Variants in RUVBL1 observed in about 807,000 individuals in gnomAD.
The protein encoded by RUVBL1 is ruvB-like 1.
In RUVBL1, 4 loss-of-function variants were observed where a neutral mutation model predicts 52.4. That is an observed-to-expected ratio of 0.08 (90% CI 0.04 to 0.17). The LOEUF is 0.17. RUVBL1 is among the 10% of genes least tolerant of loss of function. The pLI is 1.00. For missense variants in RUVBL1, 298 were observed against 572.8 expected (o/e 0.52, Z 4.90); for synonymous variants, 217 against 214.4 (o/e 1.01, Z -0.10).
At chr3:128,100,554 A>G in intron 6 of RUVBL1, 41 bp downstream of exon 6, 2 of 1,552,988 alleles carry the variant, frequency 1.3e-6, no homozygotes, top group African/African-American at 1.4e-5. Context: ...ACACATACAA[A>G]AGGGCTAATG....
downstream of RUVBL1, chr3:128,078,748 C>T (rs1576436471): frequency 6.6e-6 from 1 of 152,168 alleles, no homozygotes; most frequent in Admixed American, 6.5e-5. Context: ...GGGTCTGTTT[C>T]CCTCTTAGTA....
Position 128,082,248 on chromosome 3 carries a change from G to C in RUVBL1, c.1211+235C>G. ...CAGGGTCAAAGCACTCTCCACCAGA[G>C]GGGAGCATCTGCTGCAGGACATGGG... is the stretch of plus-strand genomic sequence containing the variant. On this transcript the variant is annotated intron_variant, in intron 10 of 10. Coordinates refer to ENST00000322623, the MANE Select transcript of RUVBL1 (RefSeq NM_003707.3). This position sits in a 1 kb window ranked among gnomAD's most constrained non-coding sequence, Gnocchi z 4.7. The C allele has an allele frequency of 2.0e-6, 1 of 505,026 alleles. No homozygotes were observed. Among genetic ancestry groups the C allele is most frequent in the Non-Finnish European group, 3.6e-6 (1 of 280,540 alleles). The allele number at this position is 505,026 out of a possible 1,614,324, so 31.3% of individuals were successfully genotyped here.
chr3:128,105,940 G>A (rs774174792), intron 3 of RUVBL1, among the ~76,000 whole-genome samples: 3 of 143,790 alleles, frequency 2.1e-5, no homozygotes, highest in Non-Finnish European at 4.5e-5. Context: ...TGCGAACTTG[G>A]CTCACAGCAA....
intron 9 of RUVBL1, chr3:128,083,780 G>A (rs578181129): frequency 4.1e-4 from 63 of 152,398 alleles, no homozygotes; most frequent in African/African-American, 1.4e-3. Flanking sequence ...ATCCTTGTAC[G>A]AAACGTCCTG....
intron 1 of RUVBL1, among the ~76,000 whole-genome samples, chr3:128,152,086 C>G (rs10934849): frequency 0.15 from 22,785 of 152,184 alleles, 1,826 homozygotes; most frequent in Admixed American, 0.2. Context: ...ATCTTAGACT[C>G]TTTTAACTTC....
chr3:128,070,816 G>A (rs1942143361), intron 9 of RUVBL1: 1 of 152,420 alleles, frequency 6.6e-6, no homozygotes, highest in Admixed American at 6.5e-5. Flanking sequence ...AGTTCTGTTT[G>A]TGCTGACAGG....
At chr3:128,095,726 A>T (rs975013804) in intron 8 of RUVBL1, among the ~76,000 whole-genome samples, 6 of 152,128 alleles carry the variant, frequency 3.9e-5, no homozygotes, top group Admixed American at 2.6e-4. Context: ...AGCCAGCAAC[A>T]CCAGAGTTTG....
chr3:128,139,107 G>T (rs1943984267), intron 1 of RUVBL1, among the ~76,000 whole-genome samples: 1 of 152,036 alleles, frequency 6.6e-6, no homozygotes, highest in Non-Finnish European at 1.5e-5. Context: ...TAAAACATTG[G>T]AGAAACTCTC....
chr3:128,151,241 CTATA>C (rs1944207140), intron 1 of RUVBL1, among the ~76,000 whole-genome samples: 1 of 138,012 alleles, frequency 7.2e-6, no homozygotes, highest in Admixed American at 8.0e-5. Context: ...TATATATACT[CTATA>C]TATCTATATA....
At chr3:128,066,929 G>A (rs1490938184) in intron 9 of RUVBL1, 11 of 1,613,222 alleles carry the variant, frequency 6.8e-6, no homozygotes, top group Middle Eastern at 1.6e-4. Flanking sequence ...CAGTGAAGGG[G>A]ATTTGGTTCT....
chr3:128,100,843 A>G (rs566155942), intron 5 of RUVBL1, 99 bp from the exon 6 acceptor site: 3 of 1,370,416 alleles, frequency 2.2e-6, no homozygotes, highest in South Asian at 2.6e-5. Flanking sequence ...TTCCCACTGC[A>G]GGCCTGACAG....
intron 9 of RUVBL1, chr3:128,068,492 C>T: frequency 5.9e-6 from 1 of 168,856 alleles, no homozygotes; most frequent in Non-Finnish European, 1.3e-5. Context: ...GGCATTAAGG[C>T]TAGAGAGGCT....
intron 5 of RUVBL1, among the ~76,000 whole-genome samples, chr3:128,101,106 C>G: frequency 6.6e-6 from 1 of 152,078 alleles, no homozygotes; most frequent in East Asian, 1.9e-4. Context: ...AGTATTATGC[C>G]CATCCATTAA....
At chr3:128,153,292 A>G in exon 1 of RUVBL1, 1 of 1,357,344 alleles carries the variant, frequency 7.4e-7, no homozygotes, top group African/African-American at 1.5e-5. Context: ...CGTGAGAGAG[A>G]AACCCTGCCT....
chr3:128,132,749 C>T (rs141937997), intron 1 of RUVBL1, among the ~76,000 whole-genome samples: 1 of 152,302 alleles, frequency 6.6e-6, no homozygotes, highest in East Asian at 1.9e-4. Flanking sequence ...GGTAGCCAGA[C>T]AGTATTTACC....
intron 9 of RUVBL1, among the ~76,000 whole-genome samples, chr3:128,086,386 T>C (rs1352457773): frequency 7.9e-5 from 12 of 152,230 alleles, no homozygotes; most frequent in Admixed American, 7.9e-4. Context: ...TGGCCAGGCA[T>C]GTCCTGCTCA....
At chr3:128,118,967 G>A (rs1487571652) in intron 2 of RUVBL1, among the ~76,000 whole-genome samples, 5 of 152,124 alleles carry the variant, frequency 3.3e-5, no homozygotes, top group Non-Finnish European at 7.3e-5. Context: ...TTGGAAGAAT[G>A]CTTGACTCAT....
In RUVBL1 at chr3:128,067,215, C is replaced by A; in HGVS notation, c.940-1995G>T. On this transcript the variant is annotated intron_variant, in intron 9 of 9. Transcript: ENST00000464873. This position sits in a 1 kb window ranked among gnomAD's most constrained non-coding sequence, Gnocchi z 4.1. ...AAGTTGCAGTGGTTTCTATCAGTGT[C>A]TTGCTCATGAACAGATATTTCATCC... 6.8e-7 allele frequency: 1 copy of A among 1,471,230 alleles called. No homozygotes were observed. The highest frequency in any genetic ancestry group is 9.5e-7 in the Non-Finnish European group (1 of 1,051,540). 91.1% of individuals were successfully genotyped at this position (1,471,230 alleles called of 1,614,324 possible).
chr3:128,146,462 CTA>C (rs1328551208), intron 1 of RUVBL1, among the ~76,000 whole-genome samples: 1 of 148,670 alleles, frequency 6.7e-6, no homozygotes, highest in African/African-American at 2.5e-5. Context: ...CTGTGTATCT[CTA>C]TGTGTGTGTA....
Sources: gnomAD v4.1 joint callset for allele counts (sites outside exome capture counted in the v4.1 genomes callset) on GRCh38, gnomAD v4.1.1 for gene constraint, Gnocchi (gnomAD v3.1) non-coding constraint, MANE v1.5 for transcripts, NCBI Gene and HGNC (gene_info 2026-07-23, HGNC 2026-07-21) for gene names.